ITCH: variants seen among roughly 807,000 people sequenced by gnomAD.
ITCH encodes E3 ubiquitin-protein ligase Itchy homolog.
In ITCH, 28 loss-of-function variants were observed where a neutral mutation model predicts 126.8. That is an observed-to-expected ratio of 0.22 (90% CI 0.16 to 0.30). ITCH has a LOEUF of 0.30. Among genes scored for constraint, ITCH ranks in the 10% least tolerant of loss-of-function variants. The probability of loss-of-function intolerance (pLI) is 1.00; values close to 1 mark genes in which losing one functional copy is unlikely to be tolerated. For missense variants in ITCH, 631 were observed against 1,032.4 expected, an observed-to-expected ratio of 0.61 and a Z score of 5.33; for synonymous variants, 342 against 340.0, an observed-to-expected ratio of 1.01 and a Z score of -0.06.
Position 34,393,840 on chromosome 20 carries a change from C to T in ITCH, c.29C>T (p.Ser10Leu). MSDSGSQLG[S>L]MGSLTMKSQL... is the part of the protein sequence containing the mutation. Reference sequence around the variant, plus strand: ...TCTGACAGTGGATCACAACTTGGTTCAATGGGTAGCCTCACCATGAAATCA... The same window carrying T: ...TCTGACAGTGGATCACAACTTGGTTTAATGGGTAGCCTCACCATGAAATCA... The change falls in exon 3 of 25, where the codon TCA becomes TTA. Residue 10 changes from serine (S) to leucine (L), a missense_variant. This residue lies in a region of ITCH where 19 missense variants were observed against 17.5 expected (regional missense o/e 1.08). Transcript: ENST00000374864. 6.2e-7 allele frequency: 1 copy of T among 1,613,994 alleles called. No homozygotes were observed. Among genetic ancestry groups the T allele is most frequent in the Non-Finnish European group, 8.5e-7 (1 of 1,179,924 alleles).
intron 6 of ITCH, among the ~76,000 whole-genome samples, chr20:34,420,177 A>T (rs2146205036): frequency 6.6e-6 from 1 of 152,252 alleles, no homozygotes; most frequent in South Asian, 2.1e-4. Context: ...ATTCACAGTG[A>T]TACACATCCA....
intron 20 of ITCH, among the ~76,000 whole-genome samples, chr20:34,482,860 A>AAGC (rs1988855838): frequency 6.6e-6 from 1 of 152,016 alleles, no homozygotes; most frequent in African/African-American, 2.4e-5. Context: ...CTGCCCCTGC[A>AAGC]AGCAGACTTT....
intron 2 of ITCH, among the ~76,000 whole-genome samples, chr20:34,385,233 T>TTTC (rs2038239827): frequency 6.8e-6 from 1 of 147,166 alleles, no homozygotes; most frequent in African/African-American, 2.5e-5. Flanking sequence ...TTTTTTTTTT[T>TTTC]TTTTTTTTTA....
At chr20:34,390,443 CTTTTTTTTT>C (rs546555130) in intron 2 of ITCH, among the ~76,000 whole-genome samples, 1 of 90,790 alleles carries the variant, frequency 1.1e-5, no homozygotes, top group Non-Finnish European at 2.2e-5. Context: ...CAAGAATAAT[CTTTTTTTTT>C]TTTTTTTTTT....
At chr20:34,479,887 GTTTTT>G in intron 18 of ITCH, 98 bp downstream of exon 18, 4 of 1,124,814 alleles carry the variant, frequency 3.6e-6, no homozygotes, top group Non-Finnish European at 4.0e-6. Context: ...AAGGGAAGTG[GTTTTT>G]TGTTTTGTTT....
chr20:34,474,442 T>TGGAC (rs1295219315), intron 16 of ITCH, among the ~76,000 whole-genome samples: 2 of 152,188 alleles, frequency 1.3e-5, no homozygotes, highest in Non-Finnish European at 2.9e-5. Context: ...TAACCATGAG[T>TGGAC]GGACGCAGCA....
In ITCH at chr20:34,445,288, T is replaced by G; in HGVS notation, c.967T>G (p.Trp323Gly). ...WDRPEPLPPG[W>G]ERRVDNMGRI... ...TTTTTTTTTTTTTTTCTGATTTAGCTGGGAACGGCGGGTTGACAACATGGG... is the reference window on the plus strand; with the variant it reads ...TTTTTTTTTTTTTTTCTGATTTAGCGGGGAACGGCGGGTTGACAACATGGG... Residue 323 changes from tryptophan (W) to glycine (G), a missense_variant and splice_region_variant, in exon 11 of 25, where the codon TGG (tryptophan) becomes GGG (glycine). By Grantham distance (184) the Trp-to-Gly change is radical (BLOSUM62 -2). Coordinates refer to ENST00000374864, the MANE Select transcript of ITCH (RefSeq NM_031483.7). 6.2e-7 allele frequency: 1 copy of G among 1,601,694 alleles called. No homozygotes were observed. The highest frequency in any genetic ancestry group is 8.5e-7 in the Non-Finnish European group (1 of 1,173,100).
At chr20:34,499,272 C>CT (rs386393666) in intron 23 of ITCH, among the ~76,000 whole-genome samples, 4,327 of 23,012 alleles carry the variant, frequency 0.19, 1,829 homozygotes, top group Non-Finnish European at 0.27. Context: ...CTGTGCCCAG[C>CT]TTTTTTTTTT....
intron 20 of ITCH, among the ~76,000 whole-genome samples, chr20:34,487,712 G>A (rs182973894): frequency 8.3e-4 from 126 of 152,264 alleles, no homozygotes; most frequent in Non-Finnish European, 1.5e-4. Flanking sequence ...GCTGAGGTGG[G>A]CAGATTGCCT....
chr20:34,440,865 G>A (rs1334909079), intron 9 of ITCH, among the ~76,000 whole-genome samples: 1 of 152,048 alleles, frequency 6.6e-6, no homozygotes, highest in African/African-American at 2.4e-5. Flanking sequence ...TTCATCAAAG[G>A]ACCCTGAAAG....
At chr20:34,497,985 AT>A (rs1199710539) in intron 23 of ITCH, among the ~76,000 whole-genome samples, 2 of 152,070 alleles carry the variant, frequency 1.3e-5, no homozygotes, top group East Asian at 3.9e-4. Flanking sequence ...ATGTCTTTAC[AT>A]TTTTTGTGTG....
chr20:34,394,927 AG>A (rs760901074), intron 3 of ITCH, among the ~76,000 whole-genome samples: 83 of 152,114 alleles, frequency 5.5e-4, no homozygotes, highest in Admixed American at 3.4e-3. Flanking sequence ...CTCCAGGTCC[AG>A]GTCTGTTAAA....
At chr20:34,500,109 C>G (rs561043497) in intron 23 of ITCH, among the ~76,000 whole-genome samples, 5 of 152,124 alleles carry the variant, frequency 3.3e-5, no homozygotes, top group Middle Eastern at 3.4e-3. Context: ...TGTGGTTTCC[C>G]CAGGAGAATG....
chr20:34,479,394 G>A (rs576912375), intron 17 of ITCH, among the ~76,000 whole-genome samples: 1 of 152,298 alleles, frequency 6.6e-6, no homozygotes, highest in East Asian at 1.9e-4. Context: ...AAGGTGCAAT[G>A]TTGTCTTAGA....
intron 7 of ITCH, among the ~76,000 whole-genome samples, chr20:34,433,572 C>T (rs1447495272): frequency 6.7e-6 from 1 of 149,544 alleles, no homozygotes; most frequent in Non-Finnish European, 1.5e-5. Context: ...AGGAGGATCA[C>T]GTGAGCCTGG....
chr20:34,426,438 T>A (rs1981529582), intron 7 of ITCH, among the ~76,000 whole-genome samples: 1 of 152,054 alleles, frequency 6.6e-6, no homozygotes, highest in Non-Finnish European at 1.5e-5. Context: ...GGGTTGTTTT[T>A]TTTTTGTTTT....
At chr20:34,421,960 G>A (rs757259444) in intron 6 of ITCH, among the ~76,000 whole-genome samples, 1 of 152,148 alleles carries the variant, frequency 6.6e-6, no homozygotes, top group Non-Finnish European at 1.5e-5. Flanking sequence ...AGGCTGCAGT[G>A]AGCTATGACC....
chr20:34,372,813 A>G (rs547687751), intron 2 of ITCH, among the ~76,000 whole-genome samples: 11 of 152,314 alleles, frequency 7.2e-5, no homozygotes, highest in Admixed American at 2.0e-4. Context: ...ACTCAAATAT[A>G]AAACTCCTGG....
At position 34,439,925 on chromosome 20, in the gene ITCH, G is replaced by A. The variant is rs375430915; in HGVS notation, c.680-230G>A. Among the ~76,000 whole-genome samples, 190 of 152,226 alleles carry A rather than the reference G, an allele frequency of 1.2e-3. 1 individual carries two copies. The highest frequency in any genetic ancestry group is 4.5e-3 in the African/African-American group (186 of 41,516). On this transcript the variant is annotated intron_variant, in intron 8 of 24. Coordinates refer to ENST00000374864, the MANE Select transcript of ITCH (RefSeq NM_031483.7). ...AGATCAGAGAACCTGTACATGCTTC[G>A]TGATTAGTAATGGGACATAGGGGTA...
Sources: allele counts gnomAD v4.1 joint callset (sites outside exome capture counted in the v4.1 genomes callset), GRCh38; gene constraint gnomAD v4.1.1; regional missense constraint gnomAD v4.1.1; transcripts MANE v1.5; gene names NCBI Gene and HGNC (gene_info 2026-07-23, HGNC 2026-07-21).